The following ITPR2 variants were observed in gnomAD, a reference collection of about 807,000 sequenced individuals.
The protein encoded by ITPR2 is inositol 1,4,5-trisphosphate-gated calcium channel ITPR2.
A neutral mutation model predicts 317.1 loss-of-function variants in ITPR2; 207 were observed. The observed-to-expected ratio is 0.65, with a 90% CI of 0.58 to 0.73. ITPR2 has a LOEUF of 0.73. Among genes scored for constraint, ITPR2 ranks in the 30% least tolerant of loss-of-function variants. The pLI, the probability that ITPR2 is intolerant of heterozygous loss-of-function variation, is 0.00. For synonymous variants in ITPR2, 1,156 were observed against 1,149.1 expected (o/e 1.01, Z -0.12); for missense variants, 2,613 against 3,284.0 (o/e 0.80, Z 4.99).
intron 43 of ITPR2, among the ~76,000 whole-genome samples, chr12:26,479,586 A>G (rs1186440023): frequency 6.6e-6 from 1 of 152,182 alleles, no homozygotes; most frequent in East Asian, 1.9e-4. Flanking sequence ...AAATTTTTCT[A>G]ATAACTTGAA....
At chr12:26,654,522 CT>C (rs1180755619) in intron 20 of ITPR2, among the ~76,000 whole-genome samples, 1 of 152,182 alleles carries the variant, frequency 6.6e-6, no homozygotes, top group African/African-American at 2.4e-5. Context: ...GCTTTGTGGT[CT>C]TGTGGATCGC....
chr12:26,811,710 C>T (rs1240336356), intron 1 of ITPR2, among the ~76,000 whole-genome samples: 2 of 147,274 alleles, frequency 1.4e-5, no homozygotes, highest in Non-Finnish European at 3.0e-5. Flanking sequence ...AAAAATTAGC[C>T]GGGCGTGGTG....
In ITPR2 at chr12:26,554,083, C is replaced by T. The variant is rs911763979; in HGVS notation, c.4964+2150G>A. Among the ~76,000 whole-genome samples the T allele has an allele frequency of 2.6e-4, 39 of 152,310 alleles. 1 individual carries two copies. The highest frequency in any genetic ancestry group is 7.8e-4 in the Admixed American group (12 of 15,308). ...TCTCCTTTCAGGTTACCTAATGATG[C>T]CACAGGCTTGTCTCCATCTGCAGCA... On this transcript the variant is annotated intron_variant, in intron 36 of 56. Coordinates refer to ENST00000381340, the MANE Select transcript of ITPR2 (RefSeq NM_002223.4).
chr12:26,807,750 A>G (rs1266937507), intron 1 of ITPR2, among the ~76,000 whole-genome samples: 2 of 152,196 alleles, frequency 1.3e-5, no homozygotes, highest in Non-Finnish European at 2.9e-5. Context: ...AGGGACATTC[A>G]ATGGACCTGC....
At chr12:26,790,278 A>G in intron 1 of ITPR2, 51 bp from the exon 2 acceptor site, 4 of 1,348,228 alleles carry the variant, frequency 3.0e-6, no homozygotes, top group Non-Finnish European at 4.3e-6. Flanking sequence ...ATATTCATAA[A>G]CCACAGACTG....
At chr12:26,561,665 G>T (rs1591901613) in intron 35 of ITPR2, 97 bp downstream of exon 35, 1 of 1,030,640 alleles carries the variant, frequency 9.7e-7, no homozygotes, top group Non-Finnish European at 1.4e-6. Context: ...TCCCCAAATA[G>T]AACTTGATAT....
At chr12:26,362,870 C>T (rs532151020) in intron 55 of ITPR2, among the ~76,000 whole-genome samples, 1 of 152,306 alleles carries the variant, frequency 6.6e-6, no homozygotes, top group East Asian at 1.9e-4. Flanking sequence ...GGGGAACCTA[C>T]TGATGGGTGA....
intron 25 of ITPR2, 113 bp from the exon 26 acceptor site, chr12:26,621,409 TA>T: frequency 4.8e-6 from 3 of 627,118 alleles, no homozygotes; most frequent in Non-Finnish European, 7.6e-6. Context: ...TGTGAACACT[TA>T]ACCAGTATTT....
At chr12:26,552,020 G>A (rs1212386227) in intron 36 of ITPR2, among the ~76,000 whole-genome samples, 1 of 152,164 alleles carries the variant, frequency 6.6e-6, no homozygotes, top group Non-Finnish European at 1.5e-5. Flanking sequence ...AGAGGAGACG[G>A]AGCAAGGCGA....
At position 26,443,546 on chromosome 12, in the gene ITPR2, A is replaced by T; in HGVS notation, c.6447T>A (p.Ile2149=). ...TCAATAAATAATAGATGGTTACCTC[A>T]ATCTGTGCAGTGTGGTTGGCATAAT... The part of the protein sequence containing the change: ...LKYYANHTAQ[I]EIVRHDRTME... The change falls in exon 46 of 57, where the codon ATT becomes ATA. Residue 2149 remains isoleucine, a synonymous_variant. Coordinates refer to ENST00000381340, the MANE Select transcript of ITPR2 (RefSeq NM_002223.4). 1 of 1,605,978 alleles carries T rather than the reference A, an allele frequency of 6.2e-7. No individual in the cohort carries two copies. The highest frequency in any genetic ancestry group is 1.1e-5 in the South Asian group (1 of 90,668).
chr12:26,566,054 G>A (rs1311687466), intron 34 of ITPR2, among the ~76,000 whole-genome samples: 2 of 136,936 alleles, frequency 1.5e-5, no homozygotes, highest in Admixed American at 7.2e-5. Flanking sequence ...AGGAGATGGA[G>A]AGGAGAAGGA....
At chr12:26,617,701 A>AGG (rs1946401354) in intron 26 of ITPR2, among the ~76,000 whole-genome samples, 14 of 134,586 alleles carry the variant, frequency 1.0e-4, no homozygotes, top group African/African-American at 2.4e-4. Context: ...GGAAGGAAGG[A>AGG]GAGAAGGAAG....
chr12:26,605,946 T>A (rs1946119628), intron 26 of ITPR2, among the ~76,000 whole-genome samples: 1 of 152,150 alleles, frequency 6.6e-6, no homozygotes, highest in South Asian at 2.1e-4. Context: ...TACAATTAGG[T>A]TTTGTTTTCT....
At chr12:26,411,183 T>C in intron 52 of ITPR2, 137 bp downstream of exon 52, 1 of 614,200 alleles carries the variant, frequency 1.6e-6, no homozygotes, top group Non-Finnish European at 2.9e-6. Flanking sequence ...CAAATCATCT[T>C]GGTTCTTTTA....
At chr12:26,480,043 T>C (rs1942510779) in intron 43 of ITPR2, among the ~76,000 whole-genome samples, 1 of 152,240 alleles carries the variant, frequency 6.6e-6, no homozygotes, top group South Asian at 2.1e-4. Context: ...ATCATTCCTA[T>C]TCTTCTTGGC....
intron 48 of ITPR2, among the ~76,000 whole-genome samples, chr12:26,432,812 C>A (rs148300165): frequency 7.9e-5 from 12 of 152,204 alleles, no homozygotes; most frequent in Non-Finnish European, 1.3e-4. Context: ...ATCTGGAGAC[C>A]TTTCAAGTTG....
intron 37 of ITPR2, among the ~76,000 whole-genome samples, chr12:26,502,704 C>T (rs907865013): frequency 6.6e-6 from 1 of 152,124 alleles, no homozygotes; most frequent in Non-Finnish European, 1.5e-5. Flanking sequence ...ACTCAGCTTA[C>T]AGTGCATCCC....
intron 3 of ITPR2, among the ~76,000 whole-genome samples, chr12:26,725,245 T>C (rs1408782941): frequency 6.6e-6 from 1 of 152,210 alleles, no homozygotes; most frequent in Non-Finnish European, 1.5e-5. Flanking sequence ...TGAGGCAAAA[T>C]TAAGTTCTAT....
intron 2 of ITPR2, among the ~76,000 whole-genome samples, chr12:26,765,401 A>G (rs1359320104): frequency 2.0e-5 from 3 of 152,074 alleles, no homozygotes; most frequent in African/African-American, 7.2e-5. Context: ...CCAAGGCCTT[A>G]TAAATATGTC....
Sources: gnomAD v4.1 joint callset for allele counts (sites outside exome capture counted in the v4.1 genomes callset) on GRCh38, gnomAD v4.1.1 for gene constraint, MANE v1.5 for transcripts, NCBI Gene and HGNC (gene_info 2026-07-23, HGNC 2026-07-21) for gene names.